The following PRKCA variants were observed in gnomAD, a reference collection of about 807,000 sequenced individuals.
PRKCA encodes protein kinase C alpha, also known as protein kinase C alpha type.
A neutral mutation model predicts 87.0 loss-of-function variants in PRKCA; 27 were observed. The observed-to-expected ratio is 0.31, with a 90% CI of 0.23 to 0.43. The LOEUF (loss-of-function observed/expected upper bound fraction) is 0.43, where lower values mean the gene tolerates loss of function less well. Among genes scored for constraint, PRKCA ranks in the 20% least tolerant of loss-of-function variants. PRKCA has a pLI of 1.00. For synonymous variants in PRKCA, 329 were observed against 311.1 expected (o/e 1.06, Z -0.61); for missense variants, 518 against 852.3 (o/e 0.61, Z 4.88).
At chr17:66,661,300 G>T (rs1407461210) in intron 5 of PRKCA, among the ~76,000 whole-genome samples, 1 of 152,114 alleles carries the variant, frequency 6.6e-6, no homozygotes, top group African/African-American at 2.4e-5. Flanking sequence ...GGCAGATATG[G>T]GGTGGGGTGG....
chr17:66,507,612 G>C (rs994378287), intron 3 of PRKCA, among the ~76,000 whole-genome samples: 3 of 152,192 alleles, frequency 2.0e-5, no homozygotes, highest in Non-Finnish European at 4.4e-5. Context: ...GATGGGACCG[G>C]GTGGGAGCTG....
At chr17:66,746,239 A>G (rs554867780) in intron 13 of PRKCA, among the ~76,000 whole-genome samples, 3 of 138,720 alleles carry the variant, frequency 2.2e-5, no homozygotes, top group East Asian at 2.1e-4. Context: ...TGCAGCCTCA[A>G]CTTCCTGGGC....
At chr17:66,615,564 A>T (rs1970492659) in intron 3 of PRKCA, among the ~76,000 whole-genome samples, 1 of 152,134 alleles carries the variant, frequency 6.6e-6, no homozygotes, top group African/African-American at 2.4e-5. Flanking sequence ...CCTGAGAGAA[A>T]ATGAATAATT....
intron 2 of PRKCA, chr17:66,416,715 C>T (rs1343769595): frequency 6.6e-6 from 1 of 152,166 alleles, no homozygotes; most frequent in Non-Finnish European, 1.5e-5. Flanking sequence ...GATTTGATCC[C>T]TGGCAGCCTG....
intron 10 of PRKCA, 76 bp from the exon 11 acceptor site, chr17:66,738,688 A>G (rs1974093451): frequency 8.4e-7 from 1 of 1,195,934 alleles, no homozygotes. Flanking sequence ...AGAAAGCAAA[A>G]CACAACCTGT....
At chr17:66,617,877 T>G (rs570034768) in intron 3 of PRKCA, among the ~76,000 whole-genome samples, 2 of 152,168 alleles carry the variant, frequency 1.3e-5, no homozygotes, top group Non-Finnish European at 2.9e-5. Context: ...TTGAGAGTTT[T>G]GTCAGGCCAA....
At chr17:66,568,900 T>C (rs1051864605) in intron 3 of PRKCA, among the ~76,000 whole-genome samples, 3 of 152,166 alleles carry the variant, frequency 2.0e-5, no homozygotes, top group Admixed American at 6.5e-5. Context: ...GGAAACTTTT[T>C]TCTGGGTCAT....
At chr17:66,331,451 A>G (rs1476509689) in intron 2 of PRKCA, among the ~76,000 whole-genome samples, 1 of 152,106 alleles carries the variant, frequency 6.6e-6, no homozygotes, top group Non-Finnish European at 1.5e-5. Flanking sequence ...TGCTGTAGCA[A>G]CACATTAATC....
intron 15 of PRKCA, 59 bp from the exon 16 acceptor site, chr17:66,788,780 T>C: frequency 6.3e-7 from 1 of 1,578,324 alleles, no homozygotes; most frequent in Non-Finnish European, 8.6e-7. Context: ...AAATGGAAGG[T>C]GCTGTCTGTG....
At chr17:66,684,479 A>G (rs966021826) in intron 5 of PRKCA, among the ~76,000 whole-genome samples, 1 of 152,254 alleles carries the variant, frequency 6.6e-6, no homozygotes, top group Admixed American at 6.5e-5. Flanking sequence ...GCCATGAGTC[A>G]CACTCACACA....
chr17:66,373,937 C>T (rs112426310), intron 2 of PRKCA, among the ~76,000 whole-genome samples: 109 of 152,258 alleles, frequency 7.2e-4, no homozygotes, highest in Non-Finnish European at 1.2e-3. Flanking sequence ...CCCAGTGCAC[C>T]GGTGATCAGC....
intron 8 of PRKCA, among the ~76,000 whole-genome samples, chr17:66,730,573 A>C (rs992801995): frequency 3.3e-5 from 5 of 152,184 alleles, no homozygotes; most frequent in East Asian, 1.9e-4. Flanking sequence ...TTGCCATGAC[A>C]TTTGTAAACT....
chr17:66,624,787 CAAATAAATAAATAAAT>C (rs3064605), intron 3 of PRKCA, among the ~76,000 whole-genome samples: 32 of 143,716 alleles, frequency 2.2e-4, no homozygotes, highest in South Asian at 1.1e-3. Context: ...GACTCCATCT[CAAATAAATAAATAAAT>C]AAATAAATAA....
At chr17:66,771,581 ACTTC>A (rs1188040468) in intron 13 of PRKCA, among the ~76,000 whole-genome samples, 4 of 152,140 alleles carry the variant, frequency 2.6e-5, no homozygotes, top group Non-Finnish European at 4.4e-5. Context: ...AAACAATTTT[ACTTC>A]CTTATTTCTT....
chr17:66,376,771 AG>A (rs1264865849), intron 2 of PRKCA, among the ~76,000 whole-genome samples: 2 of 151,978 alleles, frequency 1.3e-5, no homozygotes, highest in Non-Finnish European at 2.9e-5. Flanking sequence ...CATCTGGGAG[AG>A]GGGGTGAGGA....
At position 66,733,126 on chromosome 17, in the gene PRKCA, G is replaced by A. The variant is rs186929818; in HGVS notation, c.1056+301G>A. On this transcript the variant is annotated intron_variant, in intron 9 of 16. Transcript: ENST00000413366. ...AGATCGCACCACTGCACTCCAGCCT[G>A]GGAGACAGTGAGACTCCGTCTCAAA... Among the ~76,000 whole-genome samples the A allele has an allele frequency of 5.6e-4, 82 of 147,276 alleles. 1 individual carries two copies. Among genetic ancestry groups the A allele is most frequent in the Non-Finnish European group, 8.8e-4 (59 of 67,226 alleles).
chr17:66,722,888 C>T (rs1159820518), intron 8 of PRKCA, among the ~76,000 whole-genome samples: 1 of 152,266 alleles, frequency 6.6e-6, no homozygotes, highest in Non-Finnish European at 1.5e-5. Context: ...ATTCTATTCA[C>T]AACATTACAT....
At chr17:66,368,197 G>T (rs984879802) in intron 2 of PRKCA, among the ~76,000 whole-genome samples, 4 of 151,792 alleles carry the variant, frequency 2.6e-5, no homozygotes, top group Non-Finnish European at 5.9e-5. Flanking sequence ...TTAAATTACT[G>T]TAGGTGATTG....
chr17:66,447,182 T>C (rs1376105351), intron 2 of PRKCA, among the ~76,000 whole-genome samples: 2 of 152,200 alleles, frequency 1.3e-5, no homozygotes, highest in Admixed American at 1.3e-4. Flanking sequence ...ATGTCAGTCA[T>C]GTGTAGACAG....
Sources: gnomAD v4.1 joint callset for allele counts (sites outside exome capture counted in the v4.1 genomes callset) on GRCh38, gnomAD v4.1.1 for gene constraint, MANE v1.5 for transcripts, NCBI Gene and HGNC (gene_info 2026-07-23, HGNC 2026-07-21) for gene names.